Variants in SDK1 observed in about 807,000 individuals in gnomAD.
SDK1 encodes the protein protein sidekick-1.
In SDK1, 157 loss-of-function variants were observed where a neutral mutation model predicts 245.5. The ratio of observed to expected loss-of-function variants is 0.64; its 90% CI spans 0.56 to 0.73. SDK1 has a LOEUF of 0.73. SDK1 is among the 30% of genes least tolerant of loss of function. The pLI is 0.00. For synonymous variants in SDK1, 1,647 were observed against 1,278.5 expected, an observed-to-expected ratio of 1.29 and a Z score of -6.15; for missense variants, 3,583 against 3,002.3, an observed-to-expected ratio of 1.19 and a Z score of -4.52.
intron 22 of SDK1, among the ~76,000 whole-genome samples, chr7:4,092,549 G>C (rs1781875473): frequency 6.6e-6 from 1 of 152,204 alleles, no homozygotes; most frequent in Non-Finnish European, 1.5e-5. Flanking sequence ...CTTCTCTGCT[G>C]TAGGGAGACT....
intron 2 of SDK1, among the ~76,000 whole-genome samples, chr7:3,631,628 G>T (rs1292432075): frequency 6.6e-6 from 1 of 152,138 alleles, no homozygotes; most frequent in Non-Finnish European, 1.5e-5. Context: ...TGTATTTCTG[G>T]CTTCAGTTTG....
At chr7:4,071,145 C>T (rs1440967212) in intron 20 of SDK1, among the ~76,000 whole-genome samples, 1 of 152,078 alleles carries the variant, frequency 6.6e-6, no homozygotes, top group Non-Finnish European at 1.5e-5. Context: ...CTGCCTTAGC[C>T]TCCCAAGTAG....
intron 1 of SDK1, among the ~76,000 whole-genome samples, chr7:3,504,047 G>C (rs544687835): frequency 1.3e-3 from 195 of 152,028 alleles, no homozygotes; most frequent in African/African-American, 4.6e-3. Flanking sequence ...CTACTCGGGA[G>C]GCTGAGGCAG....
intron 1 of SDK1, among the ~76,000 whole-genome samples, chr7:3,398,133 C>T (rs532605152): frequency 4.6e-5 from 7 of 152,160 alleles, no homozygotes; most frequent in African/African-American, 1.7e-4. Flanking sequence ...TTTTCTGTAG[C>T]TGTAGGTTTT....
At chr7:3,590,778 CTTT>C (rs34165148) in intron 1 of SDK1, among the ~76,000 whole-genome samples, 17 of 115,196 alleles carry the variant, frequency 1.5e-4, no homozygotes, top group African/African-American at 2.4e-4. Flanking sequence ...GAGTATAGCA[CTTT>C]TTTTTTTTTT....
At chr7:3,736,151 C>T (rs1779313091) in intron 4 of SDK1, among the ~76,000 whole-genome samples, 1 of 152,110 alleles carries the variant, frequency 6.6e-6, no homozygotes, top group Non-Finnish European at 1.5e-5. Flanking sequence ...CATTTTGACC[C>T]TGTTAGTTTT....
intron 1 of SDK1, among the ~76,000 whole-genome samples, chr7:3,420,889 C>T (rs982889004): frequency 6.6e-6 from 1 of 152,132 alleles, no homozygotes; most frequent in Admixed American, 6.5e-5. Flanking sequence ...AGCTATTTAT[C>T]CTGATGCTCT....
At chr7:3,928,447 T>G (rs1382740420) in intron 5 of SDK1, among the ~76,000 whole-genome samples, 1 of 152,212 alleles carries the variant, frequency 6.6e-6, no homozygotes, top group African/African-American at 2.4e-5. Flanking sequence ...TTGATGGTAA[T>G]GATGAAACTT....
chr7:4,222,042 A>G (rs988389754), intron 40 of SDK1, among the ~76,000 whole-genome samples: 3 of 152,314 alleles, frequency 2.0e-5, no homozygotes, highest in Middle Eastern at 3.4e-3. Context: ...TGCACAGTTA[A>G]TCATGAACAT....
At chr7:3,607,068 G>A (rs969254201) in intron 1 of SDK1, among the ~76,000 whole-genome samples, 1 of 152,052 alleles carries the variant, frequency 6.6e-6, no homozygotes, top group African/African-American at 2.4e-5. Context: ...TCTCTCAATA[G>A]TGTAATGTCA....
chr7:3,557,731 C>T (rs927025368), intron 1 of SDK1, among the ~76,000 whole-genome samples: 3 of 152,084 alleles, frequency 2.0e-5, no homozygotes, highest in South Asian at 2.1e-4. Flanking sequence ...CTATAACTTG[C>T]ATGTGAATCT....
In SDK1 at chr7:3,543,670, G is replaced by A. The variant is rs138939728; in HGVS notation, c.299-75410G>A. Among the ~76,000 whole-genome samples, 8 of 152,348 alleles carry A rather than the reference G, an allele frequency of 5.3e-5. No individual in the cohort carries two copies. The East Asian group carries it at 1.5e-3, about 29-fold the overall frequency. ...TCTCAGCAGGCAGAGCGCTGGGTTT[G>A]TTGAGTGAGATTGTGTTACACGTAC... On this transcript the variant is annotated intron_variant, in intron 1 of 44. Coordinates refer to ENST00000404826, the MANE Select transcript of SDK1 (RefSeq NM_152744.4).
At chr7:3,945,113 C>T (rs1483323876) in intron 5 of SDK1, among the ~76,000 whole-genome samples, 1 of 152,090 alleles carries the variant, frequency 6.6e-6, no homozygotes, top group South Asian at 2.1e-4. Context: ...GACTCTGTCT[C>T]AAAAACAAAC....
intron 1 of SDK1, among the ~76,000 whole-genome samples, chr7:3,574,873 C>G (rs769586444): frequency 9.2e-5 from 14 of 152,052 alleles, no homozygotes; most frequent in Non-Finnish European, 1.5e-4. Flanking sequence ...ACCAATTTTA[C>G]AAATTACACG....
At chr7:3,797,511 G>A (rs955399604) in intron 4 of SDK1, among the ~76,000 whole-genome samples, 1 of 150,186 alleles carries the variant, frequency 6.7e-6, no homozygotes, top group Non-Finnish European at 1.5e-5. Flanking sequence ...TATTGCCGAT[G>A]TTTTAAAAAA....
At chr7:3,400,194 T>A (rs1304354499) in intron 1 of SDK1, among the ~76,000 whole-genome samples, 1 of 152,024 alleles carries the variant, frequency 6.6e-6, no homozygotes, top group Non-Finnish European at 1.5e-5. Flanking sequence ...TGAATGGAGC[T>A]TAGGAGAGAG....
intron 1 of SDK1, among the ~76,000 whole-genome samples, chr7:3,395,470 T>C (rs143941365): frequency 1.3e-5 from 2 of 152,016 alleles, no homozygotes; most frequent in Non-Finnish European, 2.9e-5. Context: ...CAGGGTGTTA[T>C]TGCATCCCAT....
intron 1 of SDK1, among the ~76,000 whole-genome samples, chr7:3,431,663 T>C (rs1477870242): frequency 6.6e-6 from 1 of 152,166 alleles, no homozygotes; most frequent in Non-Finnish European, 1.5e-5. Flanking sequence ...AGAAGCAGCA[T>C]AGCCTGGTGG....
chr7:3,509,331 G>C (rs7780340), intron 1 of SDK1, among the ~76,000 whole-genome samples: 34,366 of 151,952 alleles, frequency 0.23, 4,266 homozygotes, highest in East Asian at 0.33. Flanking sequence ...TGGAGCCGGA[G>C]CTGCTTGGGT....
Sources: gnomAD v4.1 joint callset for allele counts (sites outside exome capture counted in the v4.1 genomes callset) on GRCh38, gnomAD v4.1.1 for gene constraint, MANE v1.5 for transcripts, NCBI Gene and HGNC (gene_info 2026-07-23, HGNC 2026-07-21) for gene names.